Variants in BLTP1 observed in about 807,000 individuals in gnomAD.
The protein encoded by BLTP1 is bridge-like lipid transfer protein family member 1.
the BLTP1 span, among the ~76,000 whole-genome samples, chr4:122,235,782 G>A: frequency 4.2e-3 from 635 of 152,292 alleles, 2 homozygotes; most frequent in African/African-American, 0.014. Context: ...TCCAGCCTGG[G>A]CGACAGAGCG....
At chr4:122,210,956 C>T in the BLTP1 span, 1 of 1,612,182 alleles carries the variant, frequency 6.2e-7, no homozygotes, top group South Asian at 1.1e-5. Context: ...AGAGTTGTTT[C>T]TTCTCCCTCT....
chr4:122,172,037 A>G, the BLTP1 span: 1 of 640,982 alleles, frequency 1.6e-6, no homozygotes, highest in African/African-American at 2.0e-5. Context: ...AACTTGAGAT[A>G]TAATGGCATA....
the BLTP1 span, among the ~76,000 whole-genome samples, chr4:122,294,178 C>G: frequency 6.6e-6 from 1 of 152,180 alleles, no homozygotes; most frequent in African/African-American, 2.4e-5. Flanking sequence ...CCTTTTCAGC[C>G]TGCTGGCTCT....
At chr4:122,166,686 C>T in the BLTP1 span, among the ~76,000 whole-genome samples, 9 of 152,196 alleles carry the variant, frequency 5.9e-5, no homozygotes, top group East Asian at 3.9e-4. Context: ...TTTCACGATA[C>T]TGATTCTTCC....
At chr4:122,241,070 T>C in the BLTP1 span, among the ~76,000 whole-genome samples, 26 of 152,132 alleles carry the variant, frequency 1.7e-4, no homozygotes, top group Non-Finnish European at 3.2e-4. Context: ...GAAGAGTCTA[T>C]GATGATAACC....
the BLTP1 span, chr4:122,314,022 A>AT: frequency 1.0e-6 from 1 of 956,458 alleles, no homozygotes; most frequent in Non-Finnish European, 1.2e-6. Flanking sequence ...GATATGTACA[A>AT]TAAAACATAA....
the BLTP1 span, chr4:122,350,482 A>G: frequency 8.2e-6 from 6 of 734,212 alleles, no homozygotes; most frequent in Admixed American, 6.3e-5. Flanking sequence ...CTTAGGCACT[A>G]TTCTAGGCAC....
At chr4:122,171,511 G>A in the BLTP1 span, among the ~76,000 whole-genome samples, 1 of 152,104 alleles carries the variant, frequency 6.6e-6, no homozygotes, top group Non-Finnish European at 1.5e-5. Context: ...TAGATGCCAG[G>A]TTGTACATAT....
chr4:122,281,370 T>G, the BLTP1 span: 1 of 980,942 alleles, frequency 1.0e-6, no homozygotes. Flanking sequence ...CATATCATCA[T>G]TGTTCAACAG....
chr4:122,249,972 A>G, the BLTP1 span: 4 of 969,446 alleles, frequency 4.1e-6, no homozygotes, highest in Non-Finnish European at 3.7e-6. Flanking sequence ...GAAACTTTGC[A>G]TCTTTGAAAA....
the BLTP1 span, among the ~76,000 whole-genome samples, chr4:122,239,089 A>G: frequency 6.6e-6 from 1 of 152,162 alleles, no homozygotes; most frequent in Non-Finnish European, 1.5e-5. Context: ...TGCCTTAGTA[A>G]ATGGCACTAC....
the BLTP1 span, chr4:122,152,897 C>T: frequency 2.9e-6 from 2 of 682,620 alleles, no homozygotes; most frequent in Non-Finnish European, 1.8e-6. Flanking sequence ...AAGGACCGTG[C>T]ACCCGCAGGC....
chr4:122,313,548 G>A, the BLTP1 span: 1 of 1,007,718 alleles, frequency 9.9e-7, no homozygotes, highest in Non-Finnish European at 1.4e-6. Context: ...CAATAATCTT[G>A]TGTGAAAAAT....
the BLTP1 span, chr4:122,209,755 G>A: frequency 6.4e-7 from 1 of 1,561,940 alleles, no homozygotes; most frequent in Non-Finnish European, 8.6e-7. Context: ...TCTGCAACTG[G>A]TATCTCTGTA....
At chr4:122,357,262 C>A in the BLTP1 span, among the ~76,000 whole-genome samples, 3 of 151,932 alleles carry the variant, frequency 2.0e-5, no homozygotes, top group African/African-American at 7.2e-5. Context: ...TAATGTTTAC[C>A]CATTAAGAAA....
the BLTP1 span, among the ~76,000 whole-genome samples, chr4:122,307,091 T>G: frequency 6.6e-6 from 1 of 152,078 alleles, no homozygotes; most frequent in South Asian, 2.1e-4. Flanking sequence ...AGGAAGTGTT[T>G]CAGATTTTGG....
chr4:122,308,318 C>T, the BLTP1 span, among the ~76,000 whole-genome samples: 2 of 152,096 alleles, frequency 1.3e-5, no homozygotes, highest in Non-Finnish European at 2.9e-5. Flanking sequence ...CATTACTCAT[C>T]TCAATGTATT....
chr4:122,348,679 C>T, the BLTP1 span: 11 of 1,610,520 alleles, frequency 6.8e-6, no homozygotes, highest in South Asian at 1.2e-4. Context: ...AGCAATTAAA[C>T]GTTCAAATGA....
chr4:122,281,926 A>G, the BLTP1 span: 364,361 of 1,262,516 alleles, frequency 0.29, 56,564 homozygotes, highest in South Asian at 0.45. Flanking sequence ...TCTCTAGTCA[A>G]GTAAAAATAT....
Sources: allele counts gnomAD v4.1 joint callset (sites outside exome capture counted in the v4.1 genomes callset), GRCh38; gene constraint gnomAD v4.1.1; transcripts MANE v1.5; gene names NCBI Gene and HGNC (gene_info 2026-07-23, HGNC 2026-07-21).